The following DISP1 variants were observed in gnomAD, a reference collection of about 807,000 sequenced individuals.
DISP1 encodes dispatched RND transporter family member 1.
DISP1 carries 30 observed loss-of-function variants against 37.3 expected under a neutral mutation model. The ratio of observed to expected loss-of-function variants is 0.80; its 90% CI spans 0.60 to 1.09. The LOEUF (loss-of-function observed/expected upper bound fraction) is 1.09. DISP1 is among the 50% of genes least tolerant of loss of function. The probability of loss-of-function intolerance (pLI) is 0.00; values close to 1 mark genes in which losing one functional copy is unlikely to be tolerated. For synonymous variants in DISP1, 634 were observed against 690.2 expected (o/e 0.92, Z 1.28); for missense variants, 1,598 against 1,879.5 (o/e 0.85, Z 2.77).
rs145137054 is a variant in DISP1, at chr1:223,004,781, G to C, written c.3384G>C (p.Gln1128His). The change falls in exon 9 of 9, where the codon CAG (glutamine) becomes CAC (histidine). Residue 1128 changes from glutamine (Q) to histidine (H), a missense_variant. By Grantham distance (24) the Gln-to-His change is conservative (BLOSUM62 0). Transcript: ENST00000675850. The surrounding 1 kb of genome is among the most constrained non-coding windows in gnomAD (Gnocchi z 4.9). ...GGGCTTTCGCCACCTTCTTTTTCCA[G>C]TGCATGTGCCGGTGCCTTGGACCAC... Reference protein sequence around the residue: ...ISWAFATFFFQCMCRCLGPQG... With the variant: ...ISWAFATFFFHCMCRCLGPQG... The C allele has an allele frequency of 1.4e-5, 23 of 1,612,966 alleles. No homozygotes were observed. In the African/African-American group the frequency reaches 3.1e-4, roughly 22 times the overall value.
rs898963371 is a variant in DISP1, at chr1:222,893,446, G to A, written c.-158-34984G>A. ...TGTGCTTGGCTCATGCTACCGGCCC[G>A]GATCCCACACCTGCCAAAGGCAAGC... is the stretch of plus-strand genomic sequence containing the variant. On this transcript the variant is annotated intron_variant, in intron 1 of 8. Transcript: ENST00000675850. This position sits in a 1 kb window ranked among gnomAD's most constrained non-coding sequence, Gnocchi z 4.3. Among the ~76,000 whole-genome samples the A allele has an allele frequency of 1.3e-4, 20 of 152,158 alleles. No individual in the cohort carries two copies. The highest frequency in any genetic ancestry group is 4.6e-4 in the African/African-American group (19 of 41,422).
At position 223,004,953 on chromosome 1, in the gene DISP1, GAACTGGAGC is replaced by G. The variant is rs745576200; in HGVS notation, c.3558_3566del (p.Glu1186_His1189delinsAsp). 1 of 1,613,540 alleles carries G rather than the reference GAACTGGAGC, an allele frequency of 6.2e-7. No homozygotes were observed. Among genetic ancestry groups the G allele is most frequent in the Admixed American group, 1.7e-5 (1 of 60,028 alleles). ...TTTAGATCCCAGGGGCCCAAAATCT[GAACTGGAGC>G]ATGAGTTTTATGAATTAGAACCTCT... On this transcript the variant is annotated inframe_deletion, in exon 9 of 9. Transcript: ENST00000675850. The surrounding 1 kb of genome is among the most constrained non-coding windows in gnomAD (Gnocchi z 4.9).
intron 3 of DISP1, among the ~76,000 whole-genome samples, chr1:222,954,833 A>G (rs865961653): frequency 1.4e-4 from 21 of 152,160 alleles, no homozygotes; most frequent in African/African-American, 5.1e-4. Flanking sequence ...ACATAGTGAG[A>G]CCCTGTTTAT....
chr1:222,823,401 G>A (rs1663451711), intron 1 of DISP1, among the ~76,000 whole-genome samples: 1 of 152,140 alleles, frequency 6.6e-6, no homozygotes, highest in Non-Finnish European at 1.5e-5. Context: ...AGATGGAACT[G>A]GAGGGCATTA....
chr1:222,951,095 A>G (rs1160320563), intron 3 of DISP1, among the ~76,000 whole-genome samples: 2 of 152,170 alleles, frequency 1.3e-5, no homozygotes, highest in Non-Finnish European at 2.9e-5. Context: ...TGAATGTTTC[A>G]TGTGACTCAC....
chr1:222,917,624 T>A (rs1438804336), intron 1 of DISP1, among the ~76,000 whole-genome samples: 10 of 152,128 alleles, frequency 6.6e-5, no homozygotes, highest in Admixed American at 6.6e-5. Context: ...TTCGAGAGAA[T>A]TTTTTGCACC....
intron 1 of DISP1, among the ~76,000 whole-genome samples, chr1:222,919,517 C>T (rs1232057642): frequency 6.6e-6 from 1 of 152,064 alleles, no homozygotes. Context: ...AGCAGGGAGC[C>T]CTCTTCTTCC....
At chr1:222,823,337 C>G (rs1470730624) in intron 1 of DISP1, among the ~76,000 whole-genome samples, 3 of 152,168 alleles carry the variant, frequency 2.0e-5, no homozygotes, top group African/African-American at 7.2e-5. Flanking sequence ...AACACACACA[C>G]ACGAATACTG....
At chr1:222,859,568 A>G (rs556946861) in intron 1 of DISP1, among the ~76,000 whole-genome samples, 7 of 152,262 alleles carry the variant, frequency 4.6e-5, no homozygotes, top group South Asian at 2.1e-4. Flanking sequence ...GATACTTTAG[A>G]TGGGATCATT....
rs374569768 is a variant in DISP1, at chr1:222,974,082, G to A, written c.510-8998G>A. 3.2e-4 allele frequency among the ~76,000 whole-genome samples: 49 copies of A among 152,284 alleles called. No homozygotes were observed. The Middle Eastern group carries it at 0.01, about 32-fold the overall frequency. ...ATCTTGTTAAGTAAATCATAAAAGCGTACAGTGCTGATGAATAAAGGGACT... is the reference window on the plus strand; with the variant it reads ...ATCTTGTTAAGTAAATCATAAAAGCATACAGTGCTGATGAATAAAGGGACT... On this transcript the variant is annotated intron_variant, in intron 3 of 8. Transcript: ENST00000675850.
intron 1 of DISP1, among the ~76,000 whole-genome samples, chr1:222,926,715 C>T (rs1198467950): frequency 6.6e-6 from 1 of 152,118 alleles, no homozygotes; most frequent in East Asian, 1.9e-4. Context: ...TGTGACAAGG[C>T]CTGTCACAGC....
At chr1:222,931,618 C>G (rs996292646) in intron 2 of DISP1, among the ~76,000 whole-genome samples, 7 of 151,762 alleles carry the variant, frequency 4.6e-5, no homozygotes, top group Non-Finnish European at 8.8e-5. Flanking sequence ...AATAACAGTC[C>G]TGCTATCTGC....
Position 222,866,536 on chromosome 1 carries a change from G to A in DISP1, c.-159+51458G>A, listed in dbSNP as rs377191281. Among the ~76,000 whole-genome samples the A allele has an allele frequency of 6.6e-4, 100 of 152,082 alleles. 4 individuals carry two copies. In the South Asian group the frequency reaches 0.021, roughly 31 times the overall value. On this transcript the variant is annotated intron_variant, in intron 1 of 8. Coordinates refer to ENST00000675850, the MANE Select transcript of DISP1 (RefSeq NM_001377229.1). ...ATTTTTGTATTTTTAGTAGAGACAG[G>A]GTTTCACCATGTTGGTCAGGCTGGT... is the stretch of plus-strand genomic sequence containing the variant.
At chr1:222,831,357 A>AT (rs1335820321) in intron 1 of DISP1, among the ~76,000 whole-genome samples, 2 of 152,198 alleles carry the variant, frequency 1.3e-5, no homozygotes, top group Non-Finnish European at 2.9e-5. Flanking sequence ...TAGTAGGTTT[A>AT]TTTTTGAATA....
intron 1 of DISP1, among the ~76,000 whole-genome samples, chr1:222,910,226 G>GGT (rs1310540710): frequency 6.6e-6 from 1 of 152,062 alleles, no homozygotes; most frequent in East Asian, 1.9e-4. Flanking sequence ...TAGCAGATAT[G>GGT]GTGGTGTGTA....
chr1:222,976,116 T>C (rs1572672562), intron 3 of DISP1, among the ~76,000 whole-genome samples: 1 of 152,190 alleles, frequency 6.6e-6, no homozygotes, highest in Admixed American at 6.6e-5. Context: ...TTGTTTTTAT[T>C]AAAAAGTGAA....
chr1:222,949,330 G>T (rs1675040127), intron 3 of DISP1, among the ~76,000 whole-genome samples: 1 of 151,830 alleles, frequency 6.6e-6, no homozygotes, highest in Non-Finnish European at 1.5e-5. Flanking sequence ...AGAGGTGGAG[G>T]TTGCAGTAAG....
At chr1:222,831,487 A>T (rs1665731762) in intron 1 of DISP1, among the ~76,000 whole-genome samples, 1 of 152,218 alleles carries the variant, frequency 6.6e-6, no homozygotes, top group Non-Finnish European at 1.5e-5. Flanking sequence ...CTTATAGAAT[A>T]AGGAATTGTC....
intron 1 of DISP1, among the ~76,000 whole-genome samples, chr1:222,826,400 A>C (rs1352516866): frequency 2.1e-5 from 1 of 46,942 alleles, no homozygotes; most frequent in African/African-American, 1.2e-4. Flanking sequence ...TTTTTTTTTG[A>C]GACAGGGTCT....
Sources: gnomAD v4.1 joint callset for allele counts (sites outside exome capture counted in the v4.1 genomes callset) on GRCh38, gnomAD v4.1.1 for gene constraint, Gnocchi (gnomAD v3.1) non-coding constraint, MANE v1.5 for transcripts, NCBI Gene and HGNC (gene_info 2026-07-23, HGNC 2026-07-21) for gene names.